ZNF605: variants seen among roughly 807,000 people sequenced by gnomAD.
ZNF605 encodes zinc finger protein 605.
ZNF605 carries 9 observed loss-of-function variants against 7.9 expected under a neutral mutation model. The observed-to-expected ratio is 1.14, with a 90% CI of 0.68 to 1.98. The LOEUF (loss-of-function observed/expected upper bound fraction) is 1.98, where lower values mean the gene tolerates loss of function less well. ZNF605 is among the 30% of genes most tolerant of loss of function. The pLI is 0.00. For synonymous variants in ZNF605, 255 were observed against 260.1 expected, an observed-to-expected ratio of 0.98 and a Z score of 0.19; for missense variants, 673 against 762.4, an observed-to-expected ratio of 0.88 and a Z score of 1.38.
intron 3 of ZNF605, among the ~76,000 whole-genome samples, chr12:132,942,420 C>T (rs1952452368): frequency 6.6e-6 from 1 of 152,200 alleles, no homozygotes; most frequent in Admixed American, 6.5e-5. Context: ...CTGTGCAGAA[C>T]TCCTCCAGAG....
At position 132,926,899 on chromosome 12, in the gene ZNF605, C is replaced by G; in HGVS notation, c.400G>C (p.Gly134Arg). The change falls in exon 5 of 5, where the codon GGC becomes CGC. Residue 134 changes from glycine to arginine, a missense_variant. Coordinates refer to ENST00000360187, the MANE Select transcript of ZNF605 (RefSeq NM_183238.4). ...NKKLLFCIKPGRTHGGIKYCD... is the reference protein window; with the variant it reads ...NKKLLFCIKPRRTHGGIKYCD... ...TATTTTATCCCACCATGGGTTCTGC[C>G]AGGTTTGATACAGAACAATAATTTC... 1 of 1,614,016 alleles carries G rather than the reference C, an allele frequency of 6.2e-7. No individual in the cohort carries two copies. Among genetic ancestry groups the G allele is most frequent in the Non-Finnish European group, 8.5e-7 (1 of 1,179,988 alleles).
chr12:132,938,043 C>T lies in ZNF605; in HGVS notation c.16-4888G>A, dbSNP rs951014266. Among the ~76,000 whole-genome samples the T allele has an allele frequency of 2.6e-4, 39 of 152,318 alleles. No homozygotes were observed. The South Asian group carries it at 6.6e-3, about 26-fold the overall frequency. On this transcript the variant is annotated intron_variant, in intron 3 of 4. Transcript: ENST00000360187. ...TCGCCCAGGCTGGAGTGCAGTGGCG[C>T]GATCTCGGCTCATGGCAAGCCCCGC...
In ZNF605 at chr12:132,933,580, C is replaced by T. The variant is rs1287513222; in HGVS notation, c.16-425G>A. On this transcript the variant is annotated intron_variant, in intron 3 of 4. Transcript: ENST00000360187. The surrounding 1 kb of genome is among the most constrained non-coding windows in gnomAD (Gnocchi z 4.4). Reference sequence around the variant, plus strand: ...ACCTTCATCACTGCATCATGTGAGACCCTCAACCAGAACCAACTGGGCAAG... The same window carrying T: ...ACCTTCATCACTGCATCATGTGAGATCCTCAACCAGAACCAACTGGGCAAG... Among the ~76,000 whole-genome samples the T allele has an allele frequency of 6.6e-6, 1 of 152,180 alleles. No homozygotes were observed. Among genetic ancestry groups the T allele is most frequent in the African/African-American group, 2.4e-5 (1 of 41,450 alleles).
intron 3 of ZNF605, among the ~76,000 whole-genome samples, chr12:132,944,403 A>C (rs1257000343): frequency 2.0e-5 from 3 of 152,184 alleles, no homozygotes; most frequent in Non-Finnish European, 2.9e-5. Flanking sequence ...GTGAGGGGAC[A>C]CCACAGTCTG....
rs917990902 is a variant in ZNF605, at chr12:132,920,189, G to A, written c.*5184C>T. 6.6e-6 allele frequency: 1 copy of A among 150,770 alleles called. No homozygotes were observed. The highest frequency in any genetic ancestry group is 2.4e-5 in the African/African-American group (1 of 40,842). 9.3% of individuals were successfully genotyped at this position (150,770 alleles called of 1,614,324 possible). ...GAGCCTCGCTCTATCACCCAGGCTGGAGTGCAGTGGTGTGATCTTGGCTCA... is the reference window on the plus strand; with the variant it reads ...GAGCCTCGCTCTATCACCCAGGCTGAAGTGCAGTGGTGTGATCTTGGCTCA... On this transcript the variant is annotated 3_prime_UTR_variant, in exon 5 of 5. Coordinates refer to ENST00000360187, the MANE Select transcript of ZNF605 (RefSeq NM_183238.4).
rs540046796 is a variant in ZNF605 at position 132,925,914 on chromosome 12, G to A, written c.1385C>T (p.Ser462Leu). Residue 462 changes from serine (S) to leucine (L), a missense_variant, in exon 5 of 5, where the codon TCA becomes TTA. Coordinates refer to ENST00000360187, the MANE Select transcript of ZNF605 (RefSeq NM_183238.4). ...SECGKAFTQK[S>L]SLISHQRTHT... ...TGTTCTCTGATGTGATATCAGGCTT[G>A]ACTTCTGGGTGAAGGCCTTCCCACA... The A allele has an allele frequency of 1.2e-6, 2 of 1,614,156 alleles. No homozygotes were observed. The highest frequency in any genetic ancestry group is 2.2e-5 in the South Asian group (2 of 91,084).
chr12:132,932,730 A>G, intron 4 of ZNF605: 2 of 1,534,854 alleles, frequency 1.3e-6, no homozygotes, highest in South Asian at 2.4e-5. Context: ...GTTCTGATTT[A>G]GGATTTCTTG....
At chr12:132,953,894 C>A (rs1952601880) in intron 1 of ZNF605, among the ~76,000 whole-genome samples, 2 of 152,062 alleles carry the variant, frequency 1.3e-5, no homozygotes, top group Non-Finnish European at 2.9e-5. Flanking sequence ...CCCAAGCCCT[C>A]CGATCATTCC....
chr12:132,933,861 G>C lies in ZNF605; in HGVS notation c.16-706C>G, dbSNP rs1952330810. ...AAACAATACAGTGGTTCTCAAAGAA[G>C]GTGCCACTAGTATTTGAGAACCATT... On this transcript the variant is annotated intron_variant, in intron 3 of 4. Coordinates refer to ENST00000360187, the MANE Select transcript of ZNF605 (RefSeq NM_183238.4). The surrounding 1 kb of genome is among the most constrained non-coding windows in gnomAD (Gnocchi z 4.4). Among the ~76,000 whole-genome samples the C allele has an allele frequency of 6.6e-6, 1 of 152,184 alleles. No individual in the cohort carries two copies. The highest frequency in any genetic ancestry group is 1.5e-5 in the Non-Finnish European group (1 of 68,036).
intron 1 of ZNF605, among the ~76,000 whole-genome samples, chr12:132,951,508 T>C (rs1952566593): frequency 1.3e-5 from 2 of 149,402 alleles, no homozygotes; most frequent in Admixed American, 6.7e-5. Context: ...CACACACACG[T>C]ACACACACAC....
chr12:132,929,913 C>T (rs953805295), intron 4 of ZNF605, among the ~76,000 whole-genome samples: 118 of 152,000 alleles, frequency 7.8e-4, no homozygotes, highest in Non-Finnish European at 1.5e-3. Context: ...CCACTGCACT[C>T]CAGCGTGCCA....
chr12:132,945,532 T>G (rs1952486412), intron 3 of ZNF605, 89 bp downstream of exon 3: 1 of 517,154 alleles, frequency 1.9e-6, no homozygotes, highest in African/African-American at 3.3e-5. Context: ...CACCTGTGAC[T>G]GGATCATTTT....
At chr12:132,951,450 A>G (rs1398144207) in intron 1 of ZNF605, among the ~76,000 whole-genome samples, 1 of 149,844 alleles carries the variant, frequency 6.7e-6, no homozygotes, top group African/African-American at 2.4e-5. Flanking sequence ...TATCTCATAC[A>G]TATACACACT....
Position 132,925,400 on chromosome 12 carries a change from C to G in ZNF605, c.1899G>C (p.Met633Ile). 1.9e-6 allele frequency: 3 copies of G among 1,603,678 alleles called. No homozygotes were observed. In the South Asian group the frequency reaches 3.3e-5, roughly 18 times the overall value. Reference sequence around the variant, plus strand: ...ATATTATATGATTTCTCTGATGTATCATAAGCTGCGACTTCCTGTTGAAGG... The same window carrying G: ...ATATTATATGATTTCTCTGATGTATGATAAGCTGCGACTTCCTGTTGAAGG... Reference protein sequence around the residue: ...GTTFNRKSQLMIHQRNHII With the variant: ...GTTFNRKSQLIIHQRNHII The change falls in exon 5 of 5, where the codon ATG becomes ATC. Residue 633 changes from methionine (M) to isoleucine (I), a missense_variant. Coordinates refer to ENST00000360187, the MANE Select transcript of ZNF605 (RefSeq NM_183238.4).
At chr12:132,937,996 T>C (rs1465792738) in intron 3 of ZNF605, among the ~76,000 whole-genome samples, 1 of 152,212 alleles carries the variant, frequency 6.6e-6, no homozygotes, top group Non-Finnish European at 1.5e-5. Flanking sequence ...TTATTATTTA[T>C]TTGAGAGGGA....
chr12:132,950,460 T>G (rs61951594), intron 1 of ZNF605, among the ~76,000 whole-genome samples: 6 of 89,482 alleles, frequency 6.7e-5, no homozygotes, highest in African/African-American at 1.9e-4. Flanking sequence ...CAGACGCACA[T>G]ACAGACACAC....
rs549641190 is a variant in ZNF605 at position 132,922,836 on chromosome 12, A to G, written c.*2537T>C. On this transcript the variant is annotated 3_prime_UTR_variant, in exon 5 of 5. Coordinates refer to ENST00000360187, the MANE Select transcript of ZNF605 (RefSeq NM_183238.4). ...GGGAACACAGAAGCTACCATGGTCC[A>G]GGCAGGAGGAAGGGAACGGTAATAA... 1 of 152,262 alleles carries G rather than the reference A, an allele frequency of 6.6e-6. No individual in the cohort carries two copies. The highest frequency in any genetic ancestry group is 1.5e-5 in the Non-Finnish European group (1 of 68,086). The allele number at this position is 152,262 out of a possible 1,614,324, so 9.4% of individuals were successfully genotyped here.
chr12:132,936,223 T>C (rs1952365429), intron 3 of ZNF605, among the ~76,000 whole-genome samples: 1 of 151,352 alleles, frequency 6.6e-6, no homozygotes, highest in South Asian at 2.1e-4. Flanking sequence ...AATAAGCAGA[T>C]TTGAAAAAAA....
intron 3 of ZNF605, among the ~76,000 whole-genome samples, chr12:132,934,163 C>A (rs1269489005): frequency 6.6e-6 from 1 of 152,108 alleles, no homozygotes; most frequent in Non-Finnish European, 1.5e-5. Flanking sequence ...CCTGCAATCC[C>A]AGCTACCAGG....
Sources: gnomAD v4.1 joint callset for allele counts (sites outside exome capture counted in the v4.1 genomes callset) on GRCh38, gnomAD v4.1.1 for gene constraint, Gnocchi (gnomAD v3.1) non-coding constraint, MANE v1.5 for transcripts, NCBI Gene and HGNC (gene_info 2026-07-23, HGNC 2026-07-21) for gene names.